Variants in COBL observed in about 807,000 individuals in gnomAD.
COBL encodes the protein cordon-bleu WH2 repeat protein, also known as protein cordon-bleu.
COBL carries 51 observed loss-of-function variants against 98.8 expected under a neutral mutation model. That is an observed-to-expected ratio of 0.52 (90% CI 0.41 to 0.65). The LOEUF is 0.65. COBL is among the 30% of genes least tolerant of loss of function. The pLI is 0.00. For synonymous variants in COBL, 634 were observed against 651.7 expected (o/e 0.97, Z 0.41); for missense variants, 1,617 against 1,617.5 (o/e 1.00, Z 0.01).
Position 51,028,745 on chromosome 7 carries a change from G to A in COBL, c.2351C>T (p.Ser784Leu), listed in dbSNP as rs1264170311. The change falls in exon 10 of 13, where the codon TCA becomes TTA. Residue 784 changes from serine (S) to leucine (L), a missense_variant. By Grantham distance (145) the Ser-to-Leu change is moderately radical. Coordinates refer to ENST00000265136, the MANE Select transcript of COBL (RefSeq NM_015198.5). ...GGGGGGTCCCCTGGCAGAGCTCTCT[G>A]AGGGTCGGCCCAGGTGTTTTTCCAC... ...NSVEKHLGRP[S>L]ESSARGPPST... is the part of the protein sequence containing the mutation. The A allele has an allele frequency of 6.2e-7, 1 of 1,614,074 alleles. No homozygotes were observed. Among genetic ancestry groups the A allele is most frequent in the Non-Finnish European group, 8.5e-7 (1 of 1,180,046 alleles).
chr7:51,102,144 A>G (rs1231837160), intron 6 of COBL, among the ~76,000 whole-genome samples: 1 of 152,196 alleles, frequency 6.6e-6, no homozygotes, highest in African/African-American at 2.4e-5. Context: ...GTGAGAAATA[A>G]TGGTTGTTTA....
chr7:51,274,948 T>C (rs1347973430), intron 1 of COBL, among the ~76,000 whole-genome samples: 1 of 152,222 alleles, frequency 6.6e-6, no homozygotes, highest in Non-Finnish European at 1.5e-5. Flanking sequence ...TGTACGCACA[T>C]GGCTTTGTCT....
chr7:51,110,527 G>A (rs1234542784), intron 6 of COBL, among the ~76,000 whole-genome samples: 1 of 152,158 alleles, frequency 6.6e-6, no homozygotes, highest in Admixed American at 6.5e-5. Context: ...GGACACTTAG[G>A]TTGATTCCAT....
At chr7:51,037,077 T>C (rs1588288240) in intron 8 of COBL, among the ~76,000 whole-genome samples, 1 of 152,320 alleles carries the variant, frequency 6.6e-6, no homozygotes, top group East Asian at 1.9e-4. Context: ...TCTCTCTCTC[T>C]CTTATATACA....
chr7:51,230,071 C>A (rs1267984174), intron 1 of COBL, among the ~76,000 whole-genome samples: 2 of 152,110 alleles, frequency 1.3e-5, no homozygotes, highest in Admixed American at 1.3e-4. Context: ...TGGTTGACCT[C>A]GCTCCCCCAG....
At chr7:51,100,626 T>A (rs761537782) in intron 6 of COBL, among the ~76,000 whole-genome samples, 4 of 152,108 alleles carry the variant, frequency 2.6e-5, no homozygotes, top group Non-Finnish European at 5.9e-5. Context: ...TTTGGCTGAG[T>A]GCAGTGGCTC....
chr7:51,079,212 G>A (rs1312814760), intron 7 of COBL, among the ~76,000 whole-genome samples: 1 of 152,144 alleles, frequency 6.6e-6, no homozygotes, highest in Non-Finnish European at 1.5e-5. Context: ...TGCCAAGGCT[G>A]GATGCTGAAA....
chr7:51,026,444 A>G lies in COBL; in HGVS notation c.3504+102T>C, dbSNP rs1449224156. The G allele has an allele frequency of 1.2e-5, 18 of 1,458,758 alleles. No individual in the cohort carries two copies. In the East Asian group the frequency reaches 4.0e-4, roughly 32 times the overall value. The allele number at this position is 1,458,758 out of a possible 1,614,324, so 90.4% of individuals were successfully genotyped here. A position where few individuals can be genotyped will look rare whatever the true frequency, so the allele number is the denominator to read the frequency against. ...CTAAAGACAGATGGTTCACCATCCAATCGGAAGGACAGAAGCTTCTGCAGC... is the reference window on the plus strand; with the variant it reads ...CTAAAGACAGATGGTTCACCATCCAGTCGGAAGGACAGAAGCTTCTGCAGC... On this transcript the variant is annotated intron_variant, in intron 11 of 12. Transcript: ENST00000265136.
In COBL at chr7:51,297,259, T is replaced by C. The variant is rs1023661598; in HGVS notation, c.41+19334A>G. ...AGACAGGGCAATGTGGTAGGTGAAA[T>C]AGGCATTATTAGGAATCACACCAGG... On this transcript the variant is annotated intron_variant, in intron 1 of 12. Transcript: ENST00000265136. 5.3e-5 allele frequency among the ~76,000 whole-genome samples: 8 copies of C among 152,202 alleles called. No individual in the cohort carries two copies. The East Asian group carries it at 1.2e-3, about 22-fold the overall frequency.
chr7:51,223,411 G>A (rs1028216869), intron 1 of COBL, among the ~76,000 whole-genome samples: 2 of 152,222 alleles, frequency 1.3e-5, no homozygotes, highest in Admixed American at 6.5e-5. Flanking sequence ...AAAAACGGCT[G>A]TGTGTTTCCA....
At chr7:51,300,974 G>A (rs1467762516) in intron 1 of COBL, among the ~76,000 whole-genome samples, 1 of 152,142 alleles carries the variant, frequency 6.6e-6, no homozygotes, top group Admixed American at 6.5e-5. Context: ...CCAGATGTGG[G>A]GTTAACCGCT....
chr7:51,221,185 C>A (rs1185530843), intron 1 of COBL, among the ~76,000 whole-genome samples: 2 of 152,170 alleles, frequency 1.3e-5, no homozygotes, highest in Non-Finnish European at 2.9e-5. Context: ...CTGCCTCCCT[C>A]CCGCTCTGGC....
At chr7:51,216,090 A>T (rs1793011520) in intron 2 of COBL, among the ~76,000 whole-genome samples, 1 of 152,264 alleles carries the variant, frequency 6.6e-6, no homozygotes, top group African/African-American at 2.4e-5. Flanking sequence ...CTTGGCCTTG[A>T]ACACCAGTTT....
chr7:51,182,058 A>G (rs867590420), intron 5 of COBL, among the ~76,000 whole-genome samples: 1 of 152,144 alleles, frequency 6.6e-6, no homozygotes, highest in African/African-American at 2.4e-5. Context: ...TGGCCATTTC[A>G]TCTTTTACAA....
At chr7:51,202,745 T>C (rs1049172475) in intron 2 of COBL, among the ~76,000 whole-genome samples, 4 of 152,136 alleles carry the variant, frequency 2.6e-5, no homozygotes, top group African/African-American at 9.7e-5. Flanking sequence ...ATCCTACATT[T>C]AAAAAGAAGG....
chr7:51,221,313 T>C (rs1185169739), intron 1 of COBL, among the ~76,000 whole-genome samples: 1 of 152,204 alleles, frequency 6.6e-6, no homozygotes, highest in African/African-American at 2.4e-5. Context: ...CAGGAATTCC[T>C]TTCCTAGAAA....
At chr7:51,304,275 C>T (rs1029719036) in intron 1 of COBL, among the ~76,000 whole-genome samples, 1 of 152,230 alleles carries the variant, frequency 6.6e-6, no homozygotes, top group African/African-American at 2.4e-5. Context: ...AGGTCACAGG[C>T]AGGTCCAGCC....
At chr7:51,082,706 C>T (rs1055589609) in intron 7 of COBL, among the ~76,000 whole-genome samples, 20 of 152,286 alleles carry the variant, frequency 1.3e-4, no homozygotes, top group African/African-American at 4.6e-4. Flanking sequence ...CTGAGTTAGC[C>T]CACCATCCAG....
chr7:51,040,342 C>G (rs937964563), intron 8 of COBL, among the ~76,000 whole-genome samples: 1 of 152,050 alleles, frequency 6.6e-6, no homozygotes, highest in African/African-American at 2.4e-5. Context: ...TGGCAAATAA[C>G]CCAGCATCAC....
Sources: gnomAD v4.1 joint callset for allele counts (sites outside exome capture counted in the v4.1 genomes callset) on GRCh38, gnomAD v4.1.1 for gene constraint, MANE v1.5 for transcripts, NCBI Gene and HGNC (gene_info 2026-07-23, HGNC 2026-07-21) for gene names.